LRRC4C: variants seen among roughly 807,000 people sequenced by gnomAD.
LRRC4C encodes the protein leucine-rich repeat-containing protein 4C.
A neutral mutation model predicts 33.6 loss-of-function variants in LRRC4C; 5 were observed. The observed-to-expected ratio is 0.15, with a 90% CI of 0.08 to 0.31. LRRC4C has a LOEUF of 0.31. Among genes scored for constraint, LRRC4C ranks in the 10% least tolerant of loss-of-function variants. LRRC4C has a pLI of 1.00. For synonymous variants in LRRC4C, 329 were observed against 302.0 expected (o/e 1.09, Z -0.93); for missense variants, 560 against 796.7 (o/e 0.70, Z 3.58).
chr11:40,663,122 C>G (rs1371913505), intron 2 of LRRC4C, among the ~76,000 whole-genome samples: 1 of 151,968 alleles, frequency 6.6e-6, no homozygotes, highest in Admixed American at 6.6e-5. Flanking sequence ...ACTCTGTTGC[C>G]CAGGCCAGAA....
At chr11:41,031,655 T>C (rs964334263) in intron 1 of LRRC4C, among the ~76,000 whole-genome samples, 1 of 151,928 alleles carries the variant, frequency 6.6e-6, no homozygotes, top group African/African-American at 2.4e-5. Flanking sequence ...TCAAGCTCGG[T>C]ATTGGGACAT....
intron 1 of LRRC4C, among the ~76,000 whole-genome samples, chr11:41,212,993 A>G (rs1946886805): frequency 6.6e-6 from 1 of 152,154 alleles, no homozygotes; most frequent in South Asian, 2.1e-4. Context: ...ATGACCTGGG[A>G]CCTTTTGTTT....
intron 3 of LRRC4C, among the ~76,000 whole-genome samples, chr11:40,591,370 C>T (rs938649329): frequency 6.6e-6 from 1 of 152,120 alleles, no homozygotes; most frequent in Non-Finnish European, 1.5e-5. Flanking sequence ...TGACCTGCGC[C>T]CACTGTCTGG....
At chr11:40,758,812 C>G (rs1949065786) in intron 2 of LRRC4C, among the ~76,000 whole-genome samples, 1 of 151,908 alleles carries the variant, frequency 6.6e-6, no homozygotes, top group South Asian at 2.1e-4. Context: ...CTGTCAAAAT[C>G]TGGAACCCAA....
At chr11:40,694,107 A>G (rs988720701) in intron 2 of LRRC4C, among the ~76,000 whole-genome samples, 1 of 152,154 alleles carries the variant, frequency 6.6e-6, no homozygotes, top group African/African-American at 2.4e-5. Flanking sequence ...CCACGTACCG[A>G]TGTAGCTGGA....
intron 1 of LRRC4C, among the ~76,000 whole-genome samples, chr11:41,135,647 A>G (rs1358761328): frequency 2.6e-5 from 4 of 152,164 alleles, no homozygotes; most frequent in Non-Finnish European, 5.9e-5. Flanking sequence ...GCCAAGAAGA[A>G]GATAAGATTA....
At chr11:40,722,976 A>G (rs574335803) in intron 2 of LRRC4C, among the ~76,000 whole-genome samples, 53 of 152,324 alleles carry the variant, frequency 3.5e-4, no homozygotes, top group African/African-American at 1.2e-3. Flanking sequence ...CCTTAACAAC[A>G]GATGAGACCA....
At chr11:40,827,439 A>T (rs2135517845) in intron 2 of LRRC4C, among the ~76,000 whole-genome samples, 1 of 151,896 alleles carries the variant, frequency 6.6e-6, no homozygotes, top group African/African-American at 2.4e-5. Context: ...AAGAAAAAAT[A>T]AAAAAAGTTC....
chr11:40,755,952 T>C (rs1591636664), intron 2 of LRRC4C, among the ~76,000 whole-genome samples: 1 of 152,150 alleles, frequency 6.6e-6, no homozygotes. Context: ...TTTAAAGATG[T>C]GATTAAGTTA....
chr11:41,008,228 TA>T (rs1329250698), intron 1 of LRRC4C, among the ~76,000 whole-genome samples: 1 of 152,094 alleles, frequency 6.6e-6, no homozygotes. Flanking sequence ...ATACAACAGG[TA>T]AAGTGATGTT....
intron 3 of LRRC4C, among the ~76,000 whole-genome samples, chr11:40,345,882 G>A (rs1270418376): frequency 4.4e-5 from 5 of 114,428 alleles, no homozygotes; most frequent in African/African-American, 1.5e-4. Flanking sequence ...ATTAAAAAGT[G>A]GGCAAATATA....
At chr11:41,116,527 A>G (rs1942136745) in intron 1 of LRRC4C, among the ~76,000 whole-genome samples, 1 of 152,148 alleles carries the variant, frequency 6.6e-6, no homozygotes, top group South Asian at 2.1e-4. Context: ...AGCAAAATAC[A>G]GTAACAGTAA....
chr11:41,090,433 GAC>G (rs1661632121), intron 1 of LRRC4C, among the ~76,000 whole-genome samples: 2 of 151,920 alleles, frequency 1.3e-5, no homozygotes, highest in South Asian at 4.2e-4. Flanking sequence ...AAAAAATAAA[GAC>G]ACAAACATAT....
chr11:40,679,976 G>GCCAGCCAC (rs1944598028), intron 2 of LRRC4C, among the ~76,000 whole-genome samples: 1 of 152,166 alleles, frequency 6.6e-6, no homozygotes, highest in Non-Finnish European at 1.5e-5. Flanking sequence ...ACGCCAGCCC[G>GCCAGCCAC]TGAAAGCAGC....
chr11:41,224,486 T>G (rs895194008), intron 1 of LRRC4C, among the ~76,000 whole-genome samples: 4 of 152,288 alleles, frequency 2.6e-5, no homozygotes, highest in African/African-American at 9.6e-5. Flanking sequence ...AGAGAGTATA[T>G]TTATCAATAC....
intron 1 of LRRC4C, among the ~76,000 whole-genome samples, chr11:41,146,551 C>A (rs960972973): frequency 6.6e-6 from 1 of 152,280 alleles, no homozygotes; most frequent in South Asian, 2.1e-4. Flanking sequence ...AGTTAATAAC[C>A]TGATCACAGC....
chr11:40,478,566 T>C lies in LRRC4C; in HGVS notation c.-269-158845A>G, dbSNP rs537855345. ...TTCTGGTTAATTTATTATTATACTTTAAGTTCTAGGGTACATGTGTACAAT... is the reference window on the plus strand; with the variant it reads ...TTCTGGTTAATTTATTATTATACTTCAAGTTCTAGGGTACATGTGTACAAT... On this transcript the variant is annotated intron_variant, in intron 3 of 6. Coordinates refer to ENST00000528697, the MANE Select transcript of LRRC4C (RefSeq NM_001258419.2). Among the ~76,000 whole-genome samples, 9 of 152,324 alleles carry C rather than the reference T, an allele frequency of 5.9e-5. No homozygotes were observed. The South Asian group carries it at 1.9e-3, about 32-fold the overall frequency.
At chr11:40,218,618 G>T (rs71470164) in intron 5 of LRRC4C, among the ~76,000 whole-genome samples, 1 of 141,886 alleles carries the variant, frequency 7.0e-6, no homozygotes, top group East Asian at 2.0e-4. Flanking sequence ...ATGTATGTAT[G>T]TATGTATGTA....
intron 1 of LRRC4C, among the ~76,000 whole-genome samples, chr11:41,225,285 TAA>T (rs1590986912): frequency 6.6e-6 from 1 of 152,222 alleles, no homozygotes; most frequent in East Asian, 1.9e-4. Context: ...TTAAAATAAC[TAA>T]AAGAGTTACA....
Sources: gnomAD v4.1 joint callset for allele counts (sites outside exome capture counted in the v4.1 genomes callset) on GRCh38, gnomAD v4.1.1 for gene constraint, MANE v1.5 for transcripts, NCBI Gene and HGNC (gene_info 2026-07-23, HGNC 2026-07-21) for gene names.